The following ALDH1L1 variants were observed in gnomAD, a reference collection of about 807,000 sequenced individuals.
ALDH1L1 encodes aldehyde dehydrogenase 1 family member L1.
A neutral mutation model predicts 101.1 loss-of-function variants in ALDH1L1; 68 were observed. The observed-to-expected ratio is 0.67, with a 90% confidence interval of 0.55 to 0.82. The LOEUF is 0.82. ALDH1L1 is among the 40% of genes least tolerant of loss of function. The pLI is 0.00. For synonymous variants in ALDH1L1, 486 were observed against 470.8 expected (o/e 1.03, Z -0.42); for missense variants, 1,087 against 1,172.7 (o/e 0.93, Z 1.07).
intron 13 of ALDH1L1, 118 bp from the exon 14 acceptor site, chr3:126,130,411 AC>A: frequency 1.2e-6 from 1 of 845,740 alleles, no homozygotes; most frequent in Non-Finnish European, 1.7e-6. Flanking sequence ...CTTAGGTGTG[AC>A]CTGAGGCTTG....
intron 1 of ALDH1L1, among the ~76,000 whole-genome samples, chr3:126,172,651 A>G (rs1452911295): frequency 6.6e-6 from 1 of 152,190 alleles, no homozygotes; most frequent in Non-Finnish European, 1.5e-5. Context: ...AGAAAGGAAT[A>G]GTAAAAATGT....
intron 8 of ALDH1L1, among the ~76,000 whole-genome samples, chr3:126,147,445 G>A (rs1471445852): frequency 6.6e-6 from 1 of 152,234 alleles, no homozygotes; most frequent in Non-Finnish European, 1.5e-5. Context: ...TCACCAAGAT[G>A]CTAACTGGTC....
intron 18 of ALDH1L1, among the ~76,000 whole-genome samples, chr3:126,114,305 C>T (rs1466974429): frequency 6.6e-6 from 1 of 152,214 alleles, no homozygotes; most frequent in East Asian, 1.9e-4. Flanking sequence ...GTAATACACA[C>T]ACACACATAT....
chr3:126,137,342 A>G (rs1332841756), intron 10 of ALDH1L1, among the ~76,000 whole-genome samples: 2 of 152,062 alleles, frequency 1.3e-5, no homozygotes, highest in African/African-American at 4.8e-5. Flanking sequence ...TTGGCCCCTT[A>G]CTTCACCCAC....
intron 1 of ALDH1L1, among the ~76,000 whole-genome samples, chr3:126,170,279 A>C (rs1455614596): frequency 6.6e-6 from 1 of 152,130 alleles, no homozygotes; most frequent in African/African-American, 2.4e-5. Context: ...TTGCAGTAGG[A>C]CTGTGAACCC....
chr3:126,139,718 A>G (rs1359183020), intron 9 of ALDH1L1, among the ~76,000 whole-genome samples: 1 of 152,198 alleles, frequency 6.6e-6, no homozygotes, highest in Non-Finnish European at 1.5e-5. Flanking sequence ...AAGTGACAGA[A>G]ACTATAATAA....
intron 9 of ALDH1L1, among the ~76,000 whole-genome samples, chr3:126,139,655 C>CA (rs1013425403): frequency 1.3e-5 from 2 of 151,916 alleles, no homozygotes; most frequent in Admixed American, 6.5e-5. Flanking sequence ...AAATTATGGA[C>CA]AAAAAACTAA....
At position 126,130,222 on chromosome 3, in the gene ALDH1L1, C is replaced by T; in HGVS notation, c.1694+1G>A. ...GCACCTCGCCCTGGGCAGGAACTCACCCAACAGGCTCCTTCCTGGTCAAGG... is the reference window on the plus strand; with the variant it reads ...GCACCTCGCCCTGGGCAGGAACTCATCCAACAGGCTCCTTCCTGGTCAAGG... On this transcript the variant is annotated splice_donor_variant, in intron 14 of 22. Transcript: ENST00000393434. LOFTEE classifies it high-confidence loss of function. 6.2e-7 allele frequency: 1 copy of T among 1,606,578 alleles called. No individual in the cohort carries two copies. The highest frequency in any genetic ancestry group is 1.7e-5 in the Admixed American group (1 of 59,292).
intron 1 of ALDH1L1, among the ~76,000 whole-genome samples, chr3:126,171,086 A>C (rs912674278): frequency 9.2e-5 from 14 of 152,186 alleles, no homozygotes; most frequent in East Asian, 1.9e-4. Flanking sequence ...ATCACGAGGT[A>C]AGGAGATCAA....
upstream of ALDH1L1, chr3:126,180,928 G>GCTCACTCACTCT: frequency 6.2e-7 from 1 of 1,609,128 alleles, no homozygotes; most frequent in African/African-American, 1.3e-5. Flanking sequence ...TCACTCACTC[G>GCTCACTCACTCT]CTCACCCTCT....
chr3:126,191,599 A>G (rs2081553782), intron 1 of ALDH1L1, among the ~76,000 whole-genome samples: 1 of 152,182 alleles, frequency 6.6e-6, no homozygotes, highest in South Asian at 2.1e-4. Flanking sequence ...TGAGATGGTT[A>G]AGGAAAAGCT....
chr3:126,115,080 G>A, intron 17 of ALDH1L1: 1 of 457,368 alleles, frequency 2.2e-6, no homozygotes, highest in Non-Finnish European at 4.4e-6. Context: ...ATCTGTCTGG[G>A]TCCTATTACA....
chr3:126,194,175 A>T (rs1324308035), intron 1 of ALDH1L1, among the ~76,000 whole-genome samples: 1 of 152,236 alleles, frequency 6.6e-6, no homozygotes, highest in Non-Finnish European at 1.5e-5. Context: ...CATAATAACC[A>T]TAATTATGAT....
intron 1 of ALDH1L1, among the ~76,000 whole-genome samples, chr3:126,188,321 G>A (rs1205297440): frequency 6.6e-6 from 1 of 152,178 alleles, no homozygotes; most frequent in Non-Finnish European, 1.5e-5. Context: ...TATGCAAAGG[G>A]CCAACTTTTC....
At chr3:126,104,139 G>A in intron 22 of ALDH1L1, 1 of 497,886 alleles carries the variant, frequency 2.0e-6, no homozygotes, top group Non-Finnish European at 3.6e-6. Context: ...GTGGAAGGGG[G>A]TGGAGAGACT....
rs187048001 is a variant in ALDH1L1 at position 126,195,730 on chromosome 3, A to G, written c.-24+2005T>C. Among the ~76,000 whole-genome samples, 223 of 152,392 alleles carry G rather than the reference A, an allele frequency of 1.5e-3. 1 individual carries two copies. The highest frequency in any genetic ancestry group is 3.4e-3 in the Middle Eastern group (1 of 294). On this transcript the variant is annotated intron_variant, in intron 1 of 2. Coordinates refer to the ALDH1L1 transcript ENST00000509952. ...ACCAACCTAAATGTCCATCAATGAT[A>G]GACTGAATTAAGAAAATGAGGCACA...
intron 1 of ALDH1L1, among the ~76,000 whole-genome samples, chr3:126,164,326 T>C (rs1022463444): frequency 1.3e-5 from 2 of 152,208 alleles, no homozygotes; most frequent in Non-Finnish European, 2.9e-5. Flanking sequence ...TATGAACATA[T>C]TGCACCCAGG....
Position 126,112,898 on chromosome 3 carries a change from G to C in ALDH1L1, c.2083-18C>G, listed in dbSNP as rs1296202640. On this transcript the variant is annotated intron_variant, in intron 18 of 22. Coordinates refer to ENST00000393434, the MANE Select transcript of ALDH1L1 (RefSeq NM_012190.4). Reference sequence around the variant, plus strand: ...CTCATCCCCTTCAGAGAATGGACAAGAACACCAGGTCACTGCTCCTCCTGG... The same window carrying C: ...CTCATCCCCTTCAGAGAATGGACAACAACACCAGGTCACTGCTCCTCCTGG... The C allele has an allele frequency of 6.8e-6, 11 of 1,609,562 alleles. No homozygotes were observed. In the South Asian group the frequency reaches 1.2e-4, roughly 18 times the overall value.
In ALDH1L1 at chr3:126,107,172, G is replaced by A. The variant is rs770603184; in HGVS notation, c.2422C>T (p.Pro808Ser). 2 of 1,614,066 alleles carry A rather than the reference G, an allele frequency of 1.2e-6. No homozygotes were observed. The highest frequency in any genetic ancestry group is 1.7e-6 in the Non-Finnish European group (2 of 1,180,010). Residue 808 changes from proline (P) to serine (S), a missense_variant, in exon 21 of 23, where the codon CCT becomes TCT. Physicochemically the swap from Pro to Ser is moderately conservative, Grantham distance 74 (BLOSUM62 -1). Coordinates refer to ENST00000393434, the MANE Select transcript of ALDH1L1 (RefSeq NM_012190.4). ...GCAAACCGAGAGATGATCATGACAG[G>A]CCCGAAGGACTCCTCCTTGGCTATG... is the stretch of plus-strand genomic sequence containing the variant. The part of the protein sequence containing the change: ...MFIAKEESFG[P>S]VMIISRFADG...
Sources: allele counts gnomAD v4.1 joint callset (sites outside exome capture counted in the v4.1 genomes callset), GRCh38; gene constraint gnomAD v4.1.1; transcripts MANE v1.5; gene names NCBI Gene and HGNC (gene_info 2026-07-23, HGNC 2026-07-21).